The following EXOSC10 variants were observed in gnomAD, a reference collection of about 807,000 sequenced individuals.
EXOSC10 encodes the protein exosome complex component 10.
A neutral mutation model predicts 126.6 loss-of-function variants in EXOSC10; 94 were observed. That is an observed-to-expected ratio of 0.74 (90% CI 0.63 to 0.88). The LOEUF (loss-of-function observed/expected upper bound fraction) is 0.88, where lower values mean the gene tolerates loss of function less well. Ranked by LOEUF, EXOSC10 falls within the 40% of genes least tolerant of loss-of-function variation. The pLI is 0.00. For synonymous variants in EXOSC10, 395 were observed against 400.8 expected, an observed-to-expected ratio of 0.99 and a Z score of 0.17; for missense variants, 1,041 against 1,100.5, an observed-to-expected ratio of 0.95 and a Z score of 0.77.
At chr1:11,086,630 C>T (rs1223323369) in intron 9 of EXOSC10, among the ~76,000 whole-genome samples, 2 of 152,168 alleles carry the variant, frequency 1.3e-5, no homozygotes, top group African/African-American at 4.8e-5. Context: ...TCTCAGACCA[C>T]AGTGCAATCA....
intron 2 of EXOSC10, among the ~76,000 whole-genome samples, chr1:11,096,875 C>T (rs745335067): frequency 1.3e-5 from 2 of 151,994 alleles, no homozygotes; most frequent in South Asian, 2.1e-4. Flanking sequence ...GTCACGACTT[C>T]GAGACCAGCC....
At chr1:11,074,073 G>C in intron 18 of EXOSC10, 65 bp from the exon 19 acceptor site, 1 of 1,501,868 alleles carries the variant, frequency 6.7e-7, no homozygotes, top group Non-Finnish European at 9.3e-7. Flanking sequence ...CGGGGCAGAA[G>C]CGCTCAGATG....
Position 11,077,600 on chromosome 1 carries a change from CCTCAGCA to C in EXOSC10, c.1794_1800del (p.Ser598ArgfsTer53), listed in dbSNP as rs1273203909. ...GGGAGAAAACAGATCCGACACTCTACCTCAGCACTGGGCAGCGGTCCGCTCTTCTTCA... is the reference window on the plus strand; with the variant it reads ...GGGAGAAAACAGATCCGACACTCTACCTGGGCAGCGGTCCGCTCTTCTTCA... On this transcript the variant is annotated frameshift_variant and splice_region_variant, in exon 15 of 25. Coordinates refer to ENST00000376936, the MANE Select transcript of EXOSC10 (RefSeq NM_001001998.3). LOFTEE classifies it high-confidence loss of function. 1 of 1,614,010 alleles carries C rather than the reference CCTCAGCA, an allele frequency of 6.2e-7. No homozygotes were observed. The highest frequency in any genetic ancestry group is 1.1e-5 in the South Asian group (1 of 91,068).
At chr1:11,069,244 T>TGTGTGTGTGTGTGAGAGAGAGA in intron 22 of EXOSC10, among the ~76,000 whole-genome samples, 50 of 116,894 alleles carry the variant, frequency 4.3e-4, no homozygotes, top group South Asian at 1.2e-3. Context: ...TGTGTGTGTG[T>TGTGTGTGTGTGTGAGAGAGAGA]GAGAGAGAGA....
chr1:11,081,279 G>A (rs1474416756), intron 10 of EXOSC10, 41 bp from the exon 11 acceptor site: 1 of 1,605,050 alleles, frequency 6.2e-7, no homozygotes, highest in Non-Finnish European at 8.5e-7. Flanking sequence ...TTGCCCCCAA[G>A]GACAGCAATT....
chr1:11,071,228 T>G (rs553483497), intron 20 of EXOSC10: 17 of 484,768 alleles, frequency 3.5e-5, no homozygotes, highest in Non-Finnish European at 5.5e-5. Flanking sequence ...ACCTAAATGC[T>G]CAGTGGCCTG....
intron 2 of EXOSC10, 100 bp downstream of exon 2, chr1:11,097,919 AC>A: frequency 5.7e-6 from 7 of 1,226,974 alleles, no homozygotes; most frequent in Non-Finnish European, 7.5e-6. Context: ...TCTTCATACC[AC>A]AGAAAATGTT....
intron 2 of EXOSC10, among the ~76,000 whole-genome samples, chr1:11,096,975 A>G (rs1168435110): frequency 1.3e-5 from 2 of 151,676 alleles, no homozygotes; most frequent in Non-Finnish European, 2.9e-5. Flanking sequence ...ACACTATGGG[A>G]GGCTGAGGTG....
At position 11,088,230 on chromosome 1, in the gene EXOSC10, C is replaced by A. The variant is rs116110158; in HGVS notation, c.759-32G>T. 459 of 1,504,842 alleles carry A rather than the reference C, an allele frequency of 3.1e-4. 3 individuals are homozygous for A. The African/African-American group carries it at 5.9e-3, about 19-fold the overall frequency. The allele number at this position is 1,504,842 out of a possible 1,614,324, so 93.2% of individuals were successfully genotyped here. On this transcript the variant is annotated intron_variant, in intron 6 of 24. Transcript: ENST00000376936. ...AAATAAAACAAAAAGAGAAATCATT[C>A]TGATTAATTCCATGATTCAAGGGAA...
chr1:11,099,148 C>CTA (rs1641282327), intron 1 of EXOSC10, among the ~76,000 whole-genome samples: 1 of 152,208 alleles, frequency 6.6e-6, no homozygotes, highest in African/African-American at 2.4e-5. Context: ...CACCTTAAGC[C>CTA]TAGTTGTACG....
At chr1:11,070,265 T>TAAAAAA (rs35601923) in intron 21 of EXOSC10, among the ~76,000 whole-genome samples, 8 of 100,582 alleles carry the variant, frequency 8.0e-5, no homozygotes, top group East Asian at 2.8e-4. Flanking sequence ...AAAAGGAAAT[T>TAAAAAA]AAAAAAAAAA....
At position 11,070,992 on chromosome 1, in the gene EXOSC10, G is replaced by GTCTCTGGA; in HGVS notation, c.2243-27_2243-20dup. The GTCTCTGGA allele has an allele frequency of 6.2e-7, 1 of 1,611,616 alleles. No homozygotes were observed. Among genetic ancestry groups the GTCTCTGGA allele is most frequent in the South Asian group, 1.1e-5 (1 of 90,904 alleles). ...CGGGCAGCTGCAAGGGAGAGAACTT[G>GTCTCTGGA]TCTCTGGAGTTGGTGAATCCAGCAA... is the stretch of plus-strand genomic sequence containing the variant. On this transcript the variant is annotated intron_variant, in intron 20 of 24. Coordinates refer to ENST00000376936, the MANE Select transcript of EXOSC10 (RefSeq NM_001001998.3).
intron 3 of EXOSC10, among the ~76,000 whole-genome samples, chr1:11,092,197 T>G (rs1385292347): frequency 6.6e-6 from 1 of 152,184 alleles, no homozygotes; most frequent in Non-Finnish European, 1.5e-5. Context: ...AATCCATATT[T>G]CAAGTACACT....
At chr1:11,072,870 A>C (rs2100955466) in intron 19 of EXOSC10, 1 of 152,370 alleles carries the variant, frequency 6.6e-6, no homozygotes, top group Middle Eastern at 3.4e-3. Flanking sequence ...ACAACAGTTC[A>C]CGTTCTGGCT....
At position 11,076,965 on chromosome 1, in the gene EXOSC10, T is replaced by C. The variant is rs758978498; in HGVS notation, c.1880-17A>G. On this transcript the variant is annotated splice_polypyrimidine_tract_variant and intron_variant, in intron 16 of 24. Transcript: ENST00000376936. ...GCACAGATCCTAGAGGAGCAGAAGA[T>C]AGTAAGGTCAAAGCCTACAGAATTT... 4 of 1,587,166 alleles carry C rather than the reference T, an allele frequency of 2.5e-6. No individual in the cohort carries two copies. Among genetic ancestry groups the C allele is most frequent in the Non-Finnish European group, 2.6e-6 (3 of 1,156,256 alleles).
chr1:11,073,877 CA>C (rs770965502), intron 19 of EXOSC10, 56 bp downstream of exon 19: 24,547 of 527,872 alleles, frequency 0.047, no homozygotes, highest in African/African-American at 0.071. Flanking sequence ...GACTCCATCT[CA>C]AAAAAAAAAA....
chr1:11,097,339 A>G (rs2100244365), intron 2 of EXOSC10, among the ~76,000 whole-genome samples: 1 of 148,032 alleles, frequency 6.8e-6, no homozygotes, highest in South Asian at 2.2e-4. Context: ...GATTGAGCCA[A>G]TGCACTCCAG....
At chr1:11,086,720 C>G (rs1162290863) in intron 9 of EXOSC10, among the ~76,000 whole-genome samples, 1 of 152,174 alleles carries the variant, frequency 6.6e-6, no homozygotes. Flanking sequence ...TGAATGACTA[C>G]TGGGTACATA....
intron 6 of EXOSC10, among the ~76,000 whole-genome samples, chr1:11,089,374 C>T (rs1476669606): frequency 1.3e-5 from 2 of 151,382 alleles, no homozygotes; most frequent in Non-Finnish European, 2.9e-5. Context: ...CTTTGGGAGG[C>T]CAAGGAGGGT....
Sources: allele counts gnomAD v4.1 joint callset (sites outside exome capture counted in the v4.1 genomes callset), GRCh38; gene constraint gnomAD v4.1.1; transcripts MANE v1.5; gene names NCBI Gene and HGNC (gene_info 2026-07-23, HGNC 2026-07-21).